Variants in NBEA observed in about 807,000 individuals in gnomAD.
The protein encoded by NBEA is lysosomal-trafficking regulator 2.
NBEA carries 44 observed loss-of-function variants against 343.4 expected under a neutral mutation model. That is an observed-to-expected ratio of 0.13 (90% confidence interval 0.10 to 0.16). NBEA has a LOEUF of 0.16. Among genes scored for constraint, NBEA ranks in the 10% least tolerant of loss-of-function variants. The pLI, the probability that NBEA is intolerant of heterozygous loss-of-function variation, is 1.00. For missense variants in NBEA, 2,555 were observed against 3,631.3 expected, an observed-to-expected ratio of 0.70 and a Z score of 7.62; for synonymous variants, 1,175 against 1,238.7, an observed-to-expected ratio of 0.95 and a Z score of 1.08.
chr13:35,243,088 G>A (rs888883363), intron 34 of NBEA, among the ~76,000 whole-genome samples: 1 of 151,774 alleles, frequency 6.6e-6, no homozygotes, highest in Non-Finnish European at 1.5e-5. Flanking sequence ...CTATGCTAAT[G>A]GGTAAGCAAT....
At chr13:35,365,558 C>A (rs1015927771) in intron 38 of NBEA, among the ~76,000 whole-genome samples, 1 of 151,600 alleles carries the variant, frequency 6.6e-6, no homozygotes, top group African/African-American at 2.4e-5. Flanking sequence ...TTGTCAGATT[C>A]TAAGGCATTT....
At chr13:35,120,192 C>T (rs1020964082) in intron 16 of NBEA, among the ~76,000 whole-genome samples, 4 of 151,978 alleles carry the variant, frequency 2.6e-5, no homozygotes, top group African/African-American at 4.8e-5. Context: ...TTTGACACAT[C>T]GGAAATATGA....
At chr13:35,407,287 T>A (rs948366111) in intron 38 of NBEA, among the ~76,000 whole-genome samples, 2 of 151,992 alleles carry the variant, frequency 1.3e-5, no homozygotes, top group African/African-American at 2.4e-5. Context: ...TCTGTGGTTA[T>A]CACATTGAAA....
chr13:34,979,663 A>G (rs2060292690), intron 1 of NBEA, among the ~76,000 whole-genome samples: 1 of 152,146 alleles, frequency 6.6e-6, no homozygotes, highest in Non-Finnish European at 1.5e-5. Flanking sequence ...GAAATTTTTT[A>G]AAAGTCTGTA....
At chr13:35,142,902 T>G (rs1260503021) in intron 18 of NBEA, among the ~76,000 whole-genome samples, 1 of 152,214 alleles carries the variant, frequency 6.6e-6, no homozygotes, top group South Asian at 2.1e-4. Flanking sequence ...AGTTTTGGGT[T>G]CAGTATTTTC....
At chr13:35,216,846 AAAAT>A (rs1340440378) in intron 33 of NBEA, among the ~76,000 whole-genome samples, 7 of 152,004 alleles carry the variant, frequency 4.6e-5, no homozygotes, top group African/African-American at 1.4e-4. Flanking sequence ...GGGGCTATTA[AAAAT>A]AAAGTTACAG....
intron 41 of NBEA, among the ~76,000 whole-genome samples, chr13:35,543,056 A>C (rs1257237099): frequency 1.3e-5 from 2 of 152,150 alleles, no homozygotes; most frequent in Non-Finnish European, 2.9e-5. Context: ...TCCTAAGACC[A>C]TAACATTCTA....
chr13:35,198,440 A>G (rs948945167), intron 31 of NBEA, among the ~76,000 whole-genome samples: 1 of 152,098 alleles, frequency 6.6e-6, no homozygotes, highest in Non-Finnish European at 1.5e-5. Flanking sequence ...TTTTTGTTTT[A>G]ATTTGGATTA....
intron 34 of NBEA, among the ~76,000 whole-genome samples, chr13:35,280,594 C>A (rs1248765137): frequency 5.3e-5 from 8 of 152,196 alleles, no homozygotes; most frequent in African/African-American, 1.7e-4. Flanking sequence ...TTGGTCTCAT[C>A]ATAATAAACT....
chr13:35,031,854 A>C (rs971604181), intron 1 of NBEA, among the ~76,000 whole-genome samples: 3 of 151,430 alleles, frequency 2.0e-5, no homozygotes, highest in Non-Finnish European at 3.0e-5. Flanking sequence ...TTATGTTAGT[A>C]AGTTTTCATT....
chr13:35,354,320 A>G (rs184426976), intron 38 of NBEA, among the ~76,000 whole-genome samples: 202 of 152,274 alleles, frequency 1.3e-3, no homozygotes, highest in African/African-American at 4.8e-3. Context: ...GGACTGTAAC[A>G]TTATATTGCT....
At chr13:35,054,762 G>C (rs1290616344) in intron 6 of NBEA, among the ~76,000 whole-genome samples, 4 of 150,584 alleles carry the variant, frequency 2.7e-5, no homozygotes, top group African/African-American at 9.8e-5. Flanking sequence ...TTGTGCCTCA[G>C]CCTCCCTGGT....
rs573622058 is a variant in NBEA, at chr13:35,558,008, G to T, written c.6922+2906G>T. ...TAGGAGTCAGTATAGTGTTAGAGTA[G>T]AAGGGAATGCGATGTGGAGTTTTAG... On this transcript the variant is annotated intron_variant, in intron 44 of 58. Transcript: ENST00000379939. Among the ~76,000 whole-genome samples the T allele has an allele frequency of 2.0e-3, 309 of 152,260 alleles. 1 individual carries two copies. The highest frequency in any genetic ancestry group is 7.0e-3 in the African/African-American group (289 of 41,554).
intron 51 of NBEA, among the ~76,000 whole-genome samples, chr13:35,649,442 C>T (rs1308293831): frequency 6.6e-6 from 1 of 152,182 alleles, no homozygotes; most frequent in East Asian, 1.9e-4. Flanking sequence ...TCAGTGCCTT[C>T]ACAGAATTCT....
At chr13:35,239,637 T>G (rs1217392964) in intron 34 of NBEA, among the ~76,000 whole-genome samples, 1 of 152,116 alleles carries the variant, frequency 6.6e-6, no homozygotes, top group Non-Finnish European at 1.5e-5. Flanking sequence ...CATTTTCATG[T>G]AAACTTATGC....
Position 35,110,829 on chromosome 13 carries a change from C to T in NBEA, c.1853C>T (p.Thr618Ile). Reference protein sequence around the residue: ...TPAKVQLSLYTYLSAEFIGTA... With the variant: ...TPAKVQLSLYIYLSAEFIGTA... Reference sequence around the variant, plus strand: ...TATTAGGTTCAGCTTTCCCTATACACATATTTGTCTGCTGAATTTATTGGA... The same window carrying T: ...TATTAGGTTCAGCTTTCCCTATACATATATTTGTCTGCTGAATTTATTGGA... The change falls in exon 13 of 59, where the codon ACA becomes ATA. Residue 618 changes from threonine (T) to isoleucine (I), a missense_variant. Around this residue, in one of 21 missense-constraint regions of NBEA, gnomAD observed 360 missense variants for 519.1 expected, o/e 0.69. Coordinates refer to ENST00000379939, the MANE Select transcript of NBEA (RefSeq NM_001385012.1). 6.2e-7 allele frequency: 1 copy of T among 1,611,762 alleles called. No individual in the cohort carries two copies. Among genetic ancestry groups the T allele is most frequent in the Non-Finnish European group, 8.5e-7 (1 of 1,178,276 alleles).
intron 1 of NBEA, among the ~76,000 whole-genome samples, chr13:34,984,918 T>C (rs1310575810): frequency 6.6e-6 from 1 of 151,086 alleles, no homozygotes; most frequent in South Asian, 2.1e-4. Flanking sequence ...AAGTTGCTTA[T>C]CAGCTTAAGG....
chr13:34,957,484 A>C (rs1044762762), intron 1 of NBEA, among the ~76,000 whole-genome samples: 1 of 152,190 alleles, frequency 6.6e-6, no homozygotes, highest in African/African-American at 2.4e-5. Flanking sequence ...TCACTTCCTT[A>C]CTGAATATTC....
At chr13:35,015,218 C>T (rs1174262632) in intron 1 of NBEA, among the ~76,000 whole-genome samples, 5 of 144,490 alleles carry the variant, frequency 3.5e-5, no homozygotes, top group Admixed American at 7.3e-5. Flanking sequence ...TGATTTGAAT[C>T]TGGTTAGTAG....
Sources: gnomAD v4.1 joint callset for allele counts (sites outside exome capture counted in the v4.1 genomes callset) on GRCh38, gnomAD v4.1.1 for gene constraint, gnomAD v4.1.1 regional missense constraint, MANE v1.5 for transcripts, NCBI Gene and HGNC (gene_info 2026-07-23, HGNC 2026-07-21) for gene names.